Variants in KLHDC9 observed in about 807,000 individuals in gnomAD.
KLHDC9 encodes kelch domain-containing protein 9.
In KLHDC9, 26 loss-of-function variants were observed where a neutral mutation model predicts 31.5. That is an observed-to-expected ratio of 0.83 (90% CI 0.61 to 1.15). KLHDC9 has a LOEUF of 1.15. KLHDC9 is among the 50% of genes most tolerant of loss of function. The probability of loss-of-function intolerance (pLI) is 0.00; values close to 1 mark genes in which losing one functional copy is unlikely to be tolerated. For synonymous variants in KLHDC9, 176 were observed against 184.7 expected (o/e 0.95, Z 0.38); for missense variants, 437 against 467.7 (o/e 0.93, Z 0.61).
At position 161,098,608 on chromosome 1, in the gene KLHDC9, CT is replaced by C; in HGVS notation, c.77del (p.Leu26TrpfsTer18). ...CTGGAGGCCAGTGGCGCGGGACGCGCTTTTGGCTAGAGCTTTCCATTCATGC... is the reference window on the plus strand; with the variant it reads ...CTGGAGGCCAGTGGCGCGGGACGCGCTTTGGCTAGAGCTTTCCATTCATGC... Reference protein sequence around the residue: ...WAWRPVARDALLARAFHSCTE... With the variant: ...WAWRPVARDAXLARAFHSCTE... On this transcript the variant is annotated frameshift_variant, in exon 1 of 4. Coordinates refer to ENST00000368011, the MANE Select transcript of KLHDC9 (RefSeq NM_152366.5). LOFTEE classifies it high-confidence loss of function. The surrounding 1 kb of genome is among the most constrained non-coding windows in gnomAD (Gnocchi z 6.3). 6.2e-7 allele frequency: 1 copy of C among 1,602,736 alleles called. No homozygotes were observed. Among genetic ancestry groups the C allele is most frequent in the Admixed American group, 1.7e-5 (1 of 58,448 alleles).
Position 161,098,404 on chromosome 1 carries a change from G to A in KLHDC9, c.-132G>A, listed in dbSNP as rs1654402426. The A allele has an allele frequency of 5.2e-6, 4 of 776,400 alleles. No individual in the cohort carries two copies. The highest frequency in any genetic ancestry group is 5.8e-5 in the East Asian group (2 of 34,372). The allele number at this position is 776,400 out of a possible 1,614,324, so 48.1% of individuals were successfully genotyped here. ...CCACGGAGAGAAAGCCGGGACTTGAGGTGGGAACCCCGGCTGGCGTCCGGT... is the reference window on the plus strand; with the variant it reads ...CCACGGAGAGAAAGCCGGGACTTGAAGTGGGAACCCCGGCTGGCGTCCGGT... On this transcript the variant is annotated 5_prime_UTR_variant, in exon 1 of 4. Transcript: ENST00000368011. This position sits in a 1 kb window ranked among gnomAD's most constrained non-coding sequence, Gnocchi z 6.3.
rs1571175086 is a variant in KLHDC9 at position 161,098,485 on chromosome 1, G to A, written c.-51G>A. 6.8e-7 allele frequency: 1 copy of A among 1,461,400 alleles called. No homozygotes were observed. The highest frequency in any genetic ancestry group is 9.1e-7 in the Non-Finnish European group (1 of 1,098,582). 90.5% of individuals were successfully genotyped at this position (1,461,400 alleles called of 1,614,324 possible). A position where few individuals can be genotyped will look rare whatever the true frequency, so the allele number is the denominator to read the frequency against. ...GGCGAGGTGCCTGGCCTGCCATGTAGGGGCTCGTTCCAAGCCGCAGACCCC... is the reference window on the plus strand; with the variant it reads ...GGCGAGGTGCCTGGCCTGCCATGTAAGGGCTCGTTCCAAGCCGCAGACCCC... On this transcript the variant is annotated 5_prime_UTR_variant, in exon 1 of 4. It removes the in-frame stop codon of an upstream open reading frame in the 5' UTR. Transcript: ENST00000368011. The surrounding 1 kb of genome is among the most constrained non-coding windows in gnomAD (Gnocchi z 6.3).
At chr1:161,099,532 A>G in intron 2 of KLHDC9, 27 bp downstream of exon 2, 2 of 1,614,140 alleles carry the variant, frequency 1.2e-6, no homozygotes, top group Non-Finnish European at 1.7e-6. Flanking sequence ...CATCTTGTTT[A>G]GGATGGGAAG....
At position 161,098,426 on chromosome 1, in the gene KLHDC9, C is replaced by A; in HGVS notation, c.-110C>A. The A allele has an allele frequency of 1.0e-6, 1 of 998,244 alleles. No homozygotes were observed. The allele number at this position is 998,244 out of a possible 1,614,324, so 61.8% of individuals were successfully genotyped here. The stretch of plus-strand genomic sequence containing the variant: ...TGAGGTGGGAACCCCGGCTGGCGTC[C>A]GGTAGGGGGAGGTTCCCGGGGAAGC... On this transcript the variant is annotated 5_prime_UTR_variant, in exon 1 of 4. Coordinates refer to ENST00000368011, the MANE Select transcript of KLHDC9 (RefSeq NM_152366.5). The surrounding 1 kb of genome is among the most constrained non-coding windows in gnomAD (Gnocchi z 6.3).
rs868821453 is a variant in KLHDC9 at position 161,099,544 on chromosome 1, G to A, written c.687+39G>A. ...ACACATCTTGTTTAGGATGGGAAGAGGCTAAAATTGTGATGCCCAGGTCTC... is the reference window on the plus strand; with the variant it reads ...ACACATCTTGTTTAGGATGGGAAGAAGCTAAAATTGTGATGCCCAGGTCTC... On this transcript the variant is annotated intron_variant, in intron 2 of 3. Coordinates refer to ENST00000368011, the MANE Select transcript of KLHDC9 (RefSeq NM_152366.5). 5.0e-6 allele frequency: 8 copies of A among 1,613,986 alleles called. No homozygotes were observed. In the South Asian group the frequency reaches 5.5e-5, roughly 11 times the overall value.
At chr1:161,099,849 C>G in intron 3 of KLHDC9, 53 bp downstream of exon 3, 5 of 1,522,724 alleles carry the variant, frequency 3.3e-6, no homozygotes, top group Non-Finnish European at 4.6e-6. Flanking sequence ...ATGGGGGAAC[C>G]TGAAGACTAC....
In KLHDC9 at chr1:161,098,880, T is replaced by C. The variant is rs2101694180; in HGVS notation, c.345T>C (p.Gly115=). The C allele has an allele frequency of 1.3e-6, 2 of 1,576,014 alleles. No individual in the cohort carries two copies. The highest frequency in any genetic ancestry group is 1.7e-6 in the Non-Finnish European group (2 of 1,161,776). Residue 115 remains glycine (G), a synonymous_variant, in exon 1 of 4, where the codon GGT becomes GGC. Transcript: ENST00000368011. The surrounding 1 kb of genome is among the most constrained non-coding windows in gnomAD (Gnocchi z 6.3). The stretch of plus-strand genomic sequence containing the variant: ...TGACCGCACTGGACACAGAGCGCGG[T>C]GTGTGGGAGGCGTGGACAGGGACCC... ...ATVTALDTER[G]VWEAWTGTPG... is the part of the protein sequence containing the mutation.
Position 161,099,608 on chromosome 1 carries a change from C to T in KLHDC9, c.698C>T (p.Pro233Leu), listed in dbSNP as rs1437337264. ...WSHGKIKEEP[P>L]VAPHLMEQLA... is the part of the protein sequence containing the mutation. ...TTCTTTCTCCCCAAGGAGGAACCAC[C>T]TGTTGCTCCTCATTTGATGGAACAG... The change falls in exon 3 of 4, where the codon CCT becomes CTT. Residue 233 changes from proline (P) to leucine (L), a missense_variant. Pro to Leu is a moderately conservative substitution (Grantham distance 98). Transcript: ENST00000368011. 1 of 1,614,246 alleles carries T rather than the reference C, an allele frequency of 6.2e-7. No homozygotes were observed. The highest frequency in any genetic ancestry group is 1.3e-5 in the African/African-American group (1 of 75,062).
Position 161,099,445 on chromosome 1 carries a change from T to C in KLHDC9, c.627T>C (p.Phe209=), listed in dbSNP as rs562159459. Residue 209 remains phenylalanine, a synonymous_variant, in exon 2 of 4, where the codon TTT becomes TTC. Transcript: ENST00000368011. ...GPHPGHQLLL[F]GGCNLAEPEV... The stretch of plus-strand genomic sequence containing the variant: ...ATCCAGGTCATCAGCTATTGCTCTT[T>C]GGAGGTTGCAACTTAGCTGAACCAG... 102 of 1,614,266 alleles carry C rather than the reference T, an allele frequency of 6.3e-5. 1 individual carries two copies. In the South Asian group the frequency reaches 8.8e-4, roughly 14 times the overall value.
intron 1 of KLHDC9, 93 bp downstream of exon 1, chr1:161,099,155 C>A: frequency 7.2e-7 from 1 of 1,397,264 alleles, no homozygotes; most frequent in Non-Finnish European, 9.9e-7. Context: ...TATCCACCTC[C>A]TCACTCTAGC....
intron 1 of KLHDC9, 99 bp downstream of exon 1, chr1:161,099,161 C>G: frequency 7.3e-7 from 1 of 1,375,748 alleles, no homozygotes; most frequent in Non-Finnish European, 1.0e-6. Context: ...CCTCCTCACT[C>G]TAGCACCCTC....
rs753241730 is a variant in KLHDC9 at position 161,098,684 on chromosome 1, G to A, written c.149G>A (p.Gly50Glu). Residue 50 changes from glycine (G) to glutamate (E), a missense_variant, in exon 1 of 4, where the codon GGA becomes GAA. By Grantham distance (98) the Gly-to-Glu change is moderately conservative. Coordinates refer to ENST00000368011, the MANE Select transcript of KLHDC9 (RefSeq NM_152366.5). This position sits in a 1 kb window ranked among gnomAD's most constrained non-coding sequence, Gnocchi z 6.3. ...FYLVGGLLAG[G>E]AREPSSDTVV... The stretch of plus-strand genomic sequence containing the variant: ...CTCGTAGGTGGTCTCCTAGCAGGAG[G>A]AGCGAGAGAGCCCAGCAGCGATACG... The A allele has an allele frequency of 3.1e-6, 5 of 1,613,288 alleles. No homozygotes were observed. Among genetic ancestry groups the A allele is most frequent in the South Asian group, 1.1e-5 (1 of 90,942 alleles).
rs768691961 is a variant in KLHDC9 at position 161,098,896 on chromosome 1, A to G, written c.361A>G (p.Thr121Ala). Residue 121 changes from threonine to alanine, a missense_variant, in exon 1 of 4, where the codon ACA (threonine) becomes GCA (alanine). Transcript: ENST00000368011. This position sits in a 1 kb window ranked among gnomAD's most constrained non-coding sequence, Gnocchi z 6.3. ...AGAGCGCGGTGTGTGGGAGGCGTGG[A>G]CAGGGACCCCTGGTGACTGCCCCCC... ...DTERGVWEAW[T>A]GTPGDCPPAG... The G allele has an allele frequency of 5.1e-6, 8 of 1,574,368 alleles. No homozygotes were observed. The South Asian group carries it at 8.1e-5, about 16-fold the overall frequency.
chr1:161,098,507 C>T lies in KLHDC9; in HGVS notation c.-29C>T. On this transcript the variant is annotated 5_prime_UTR_variant, in exon 1 of 4. Coordinates refer to ENST00000368011, the MANE Select transcript of KLHDC9 (RefSeq NM_152366.5). This position sits in a 1 kb window ranked among gnomAD's most constrained non-coding sequence, Gnocchi z 6.3. ...GTAGGGGCTCGTTCCAAGCCGCAGA[C>T]CCCACCGCCCTCCCTCTCCCCGGGG... The T allele has an allele frequency of 1.3e-6, 2 of 1,524,352 alleles. No homozygotes were observed. Among genetic ancestry groups the T allele is most frequent in the Non-Finnish European group, 1.8e-6 (2 of 1,132,938 alleles). The allele number at this position is 1,524,352 out of a possible 1,614,324, so 94.4% of individuals were successfully genotyped here.
rs139418163 is a variant in KLHDC9 at position 161,099,797 on chromosome 1, G to A, written c.886+1G>A. The A allele has an allele frequency of 6.2e-6, 10 of 1,612,074 alleles. No homozygotes were observed. The highest frequency in any genetic ancestry group is 1.1e-5 in the South Asian group (1 of 91,030). Reference sequence around the variant, plus strand: ...AATGATCTCTACATCTATGATACTCGTGAGAGCCAGACTAATGGCTGAAGG... The same window carrying A: ...AATGATCTCTACATCTATGATACTCATGAGAGCCAGACTAATGGCTGAAGG... On this transcript the variant is annotated splice_donor_variant, in intron 3 of 3. Coordinates refer to ENST00000368011, the MANE Select transcript of KLHDC9 (RefSeq NM_152366.5). LOFTEE classifies it high-confidence loss of function.
intron 2 of KLHDC9, 34 bp downstream of exon 2, chr1:161,099,539 G>A (rs1307629597): frequency 3.1e-6 from 5 of 1,614,068 alleles, no homozygotes; most frequent in South Asian, 1.1e-5. Flanking sequence ...TTTAGGATGG[G>A]AAGAGGCTAA....
Position 161,098,480 on chromosome 1 carries a change from AT to A in KLHDC9, c.-55del. Reference sequence around the variant, plus strand: ...CGGAAGGCGAGGTGCCTGGCCTGCCATGTAGGGGCTCGTTCCAAGCCGCAGA... The same window carrying A: ...CGGAAGGCGAGGTGCCTGGCCTGCCAGTAGGGGCTCGTTCCAAGCCGCAGA... On this transcript the variant is annotated 5_prime_UTR_variant, in exon 1 of 4. An upstream start codon of the reference 5' UTR is lost. Transcript: ENST00000368011. The surrounding 1 kb of genome is among the most constrained non-coding windows in gnomAD (Gnocchi z 6.3). 2.1e-6 allele frequency: 3 copies of A among 1,442,754 alleles called. No individual in the cohort carries two copies. Among genetic ancestry groups the A allele is most frequent in the Non-Finnish European group, 1.8e-6 (2 of 1,085,116 alleles). The allele number at this position is 1,442,754 out of a possible 1,614,324, so 89.4% of individuals were successfully genotyped here. A position where few individuals can be genotyped will look rare whatever the true frequency, so the allele number is the denominator to read the frequency against.
At position 161,100,090 on chromosome 1, in the gene KLHDC9, C is replaced by T. The variant is rs1454544324; in HGVS notation, c.916C>T (p.Pro306Ser). Reference sequence around the variant, plus strand: ...ATCTCCTCCTTTGTGGTTCCACTTCCCCTGTGCAGATCGTGGGATGAAACG... The same window carrying T: ...ATCTCCTCCTTTGTGGTTCCACTTCTCCTGTGCAGATCGTGGGATGAAACG... Reference protein sequence around the residue: ...RTSPPLWFHFPCADRGMKRMG... With the variant: ...RTSPPLWFHFSCADRGMKRMG... Residue 306 changes from proline to serine, a missense_variant, in exon 4 of 4, where the codon CCC (proline) becomes TCC (serine). By Grantham distance (74) the Pro-to-Ser change is moderately conservative (BLOSUM62 -1). Coordinates refer to ENST00000368011, the MANE Select transcript of KLHDC9 (RefSeq NM_152366.5). 3 of 1,614,090 alleles carry T rather than the reference C, an allele frequency of 1.9e-6. No homozygotes were observed. Among genetic ancestry groups the T allele is most frequent in the South Asian group, 2.2e-5 (2 of 91,080 alleles).
At chr1:161,099,534 G>T (rs768928324) in intron 2 of KLHDC9, 29 bp downstream of exon 2, 3 of 1,614,146 alleles carry the variant, frequency 1.9e-6, no homozygotes, top group South Asian at 2.2e-5. Context: ...TCTTGTTTAG[G>T]ATGGGAAGAG....
Sources: gnomAD v4.1 joint callset for allele counts on GRCh38, gnomAD v4.1.1 for gene constraint, Gnocchi (gnomAD v3.1) non-coding constraint, MANE v1.5 for transcripts, NCBI Gene and HGNC (gene_info 2026-07-23, HGNC 2026-07-21) for gene names.